Variants in PCDHGA2 observed in about 807,000 individuals in gnomAD.
The protein encoded by PCDHGA2 is protocadherin gamma-A2.
PCDHGA2 carries 40 observed loss-of-function variants against 59.2 expected under a neutral mutation model. The ratio of observed to expected loss-of-function variants is 0.68; its 90% CI spans 0.52 to 0.88. The LOEUF (loss-of-function observed/expected upper bound fraction) is 0.88. Among genes scored for constraint, PCDHGA2 ranks in the 40% least tolerant of loss-of-function variants. The pLI is 0.00. For missense variants in PCDHGA2, 1,226 were observed against 1,204.0 expected (o/e 1.02, Z -0.27); for synonymous variants, 560 against 526.0 (o/e 1.06, Z -0.89).
At position 141,490,346 on chromosome 5, in the gene PCDHGA2, T is replaced by G. The variant is rs1396321935; in HGVS notation, c.2425-4461T>G. 1.2e-6 allele frequency: 2 copies of G among 1,614,046 alleles called. No individual in the cohort carries two copies. Among genetic ancestry groups the G allele is most frequent in the African/African-American group, 2.7e-5 (2 of 74,900 alleles). ...GAGAGCACACCAGTGGGCACAGTAG[T>G]GGGGTTGTTTAATGTGCGAGACCGG... On this transcript the variant is annotated intron_variant, in intron 1 of 3. Coordinates refer to ENST00000394576, the MANE Select transcript of PCDHGA2 (RefSeq NM_018915.4). This position sits in a 1 kb window ranked among gnomAD's most constrained non-coding sequence, Gnocchi z 5.4.
In PCDHGA2 at chr5:141,407,146, T is replaced by C. The variant is rs142297912; in HGVS notation, c.2424+65751T>C. On this transcript the variant is annotated intron_variant, in intron 1 of 3. Transcript: ENST00000394576. ...TGCTTTATTTTTAAGAAAAAAAAGC[T>C]GAAGTGTCTGGGAATCCTTTATGAC... 2.0e-5 allele frequency among the ~76,000 whole-genome samples: 3 copies of C among 152,354 alleles called. No individual in the cohort carries two copies. The East Asian group carries it at 5.8e-4, about 29-fold the overall frequency.
At chr5:141,441,872 G>A (rs1400648028) in intron 1 of PCDHGA2, 4 of 341,526 alleles carry the variant, frequency 1.2e-5, no homozygotes, top group East Asian at 9.4e-5. Context: ...GCGGAGCCTG[G>A]CTACCTGGTC....
chr5:141,355,167 A>C (rs755561054), intron 1 of PCDHGA2: 1 of 1,565,298 alleles, frequency 6.4e-7, no homozygotes, highest in Middle Eastern at 2.4e-4. Context: ...CAGAGGGAAA[A>C]CCGAAGCACA....
Position 141,448,649 on chromosome 5 carries a change from T to C in PCDHGA2, c.2425-46158T>C, listed in dbSNP as rs181402439. 1.4e-3 allele frequency among the ~76,000 whole-genome samples: 218 copies of C among 152,220 alleles called. 1 individual carries two copies. Among genetic ancestry groups the C allele is most frequent in the African/African-American group, 5.0e-3 (206 of 41,530 alleles). On this transcript the variant is annotated intron_variant, in intron 1 of 3. Transcript: ENST00000394576. ...CTTCACATTATATCCTTTAAAAATA[T>C]TTCCATATTGGCCGGGCGCGGTGGC...
chr5:141,502,524 C>T (rs959562458), intron 2 of PCDHGA2, among the ~76,000 whole-genome samples: 3 of 151,910 alleles, frequency 2.0e-5, no homozygotes, highest in East Asian at 1.9e-4. Flanking sequence ...TCAGTGATGC[C>T]GAGTTTGTTC....
intron 1 of PCDHGA2, chr5:141,352,656 C>G (rs372258212): frequency 6.4e-5 from 102 of 1,597,586 alleles, no homozygotes; most frequent in Non-Finnish European, 8.3e-5. Context: ...TATGACCCTT[C>G]TTTGTCTTCG....
intron 1 of PCDHGA2, chr5:141,395,349 CAG>C: frequency 7.2e-7 from 1 of 1,382,548 alleles, no homozygotes; most frequent in South Asian, 1.5e-5. Flanking sequence ...AGGTGTATCA[CAG>C]AGTTTTGGGT....
intron 1 of PCDHGA2, chr5:141,429,110 T>A (rs2097186231): frequency 6.6e-6 from 1 of 151,978 alleles, no homozygotes; most frequent in Non-Finnish European, 1.5e-5. Context: ...CGCCTCGGCC[T>A]CCCAAAGTGC....
intron 1 of PCDHGA2, chr5:141,416,406 T>C (rs2096021956): frequency 6.6e-6 from 1 of 152,224 alleles, no homozygotes; most frequent in Non-Finnish European, 1.5e-5. Flanking sequence ...TTGTCTTTTT[T>C]GTTAAATTTT....
At chr5:141,353,710 T>G (rs545692626) in intron 1 of PCDHGA2, among the ~76,000 whole-genome samples, 2 of 152,380 alleles carry the variant, frequency 1.3e-5, no homozygotes, top group African/African-American at 4.8e-5. Flanking sequence ...TCTTGTTTCT[T>G]TAGTGTAGAT....
At chr5:141,376,679 T>G (rs1008866087) in intron 1 of PCDHGA2, 29 of 528,326 alleles carry the variant, frequency 5.5e-5, no homozygotes, top group East Asian at 4.1e-5. Flanking sequence ...GGGTATCGTT[T>G]TTTTTTTTTT....
chr5:141,389,612 G>A, intron 1 of PCDHGA2: 1 of 1,613,040 alleles, frequency 6.2e-7, no homozygotes, highest in Non-Finnish European at 8.5e-7. Flanking sequence ...TCGATATGGT[G>A]CCGCACGCTG....
Position 141,490,924 on chromosome 5 carries a change from C to A in PCDHGA2, c.2425-3883C>A. 1 of 1,613,680 alleles carries A rather than the reference C, an allele frequency of 6.2e-7. No individual in the cohort carries two copies. Among genetic ancestry groups the A allele is most frequent in the Non-Finnish European group, 8.5e-7 (1 of 1,179,694 alleles). On this transcript the variant is annotated intron_variant, in intron 1 of 3. Coordinates refer to ENST00000394576, the MANE Select transcript of PCDHGA2 (RefSeq NM_018915.4). The surrounding 1 kb of genome is among the most constrained non-coding windows in gnomAD (Gnocchi z 5.4). ...TGTCCTAGACGAGAATGATAATGCC[C>A]CAGCTGTGCTGCACCCACGGCCAGA...
chr5:141,506,372 C>A (rs1243713695), intron 3 of PCDHGA2, among the ~76,000 whole-genome samples: 1 of 151,402 alleles, frequency 6.6e-6, no homozygotes, highest in Non-Finnish European at 1.5e-5. Context: ...TCGCTTGAAC[C>A]TGGGAGGTGG....
intron 1 of PCDHGA2, among the ~76,000 whole-genome samples, chr5:141,469,803 A>G (rs1326367314): frequency 6.6e-6 from 1 of 152,174 alleles, no homozygotes; most frequent in Non-Finnish European, 1.5e-5. Context: ...TTGCAAAAAC[A>G]TTGTAGATAG....
At chr5:141,387,304 T>C (rs1186076797) in intron 1 of PCDHGA2, among the ~76,000 whole-genome samples, 3 of 152,208 alleles carry the variant, frequency 2.0e-5, no homozygotes, top group Non-Finnish European at 4.4e-5. Context: ...ATCCAGTATA[T>C]TTCTAATGAG....
At chr5:141,351,815 G>A (rs1270557106) in intron 1 of PCDHGA2, 2 of 1,613,116 alleles carry the variant, frequency 1.2e-6, no homozygotes, top group East Asian at 2.2e-5. Flanking sequence ...CTTCGACCAC[G>A]AGCAGCTGCG....
intron 1 of PCDHGA2, chr5:141,427,356 G>A (rs1295421809): frequency 8.7e-6 from 4 of 457,618 alleles, no homozygotes; most frequent in Non-Finnish European, 1.8e-5. Context: ...AACTGAGGAC[G>A]CAGAACCCTG....
chr5:141,433,547 C>G (rs2097621028), intron 1 of PCDHGA2, among the ~76,000 whole-genome samples: 1 of 152,086 alleles, frequency 6.6e-6, no homozygotes, highest in South Asian at 2.1e-4. Context: ...ATCAGATATT[C>G]TTTTCTGGCT....
Sources: allele counts gnomAD v4.1 joint callset (sites outside exome capture counted in the v4.1 genomes callset), GRCh38; gene constraint gnomAD v4.1.1; non-coding constraint Gnocchi (gnomAD v3.1); transcripts MANE v1.5; gene names NCBI Gene and HGNC (gene_info 2026-07-23, HGNC 2026-07-21).